XIAP: variants seen among roughly 807,000 people sequenced by gnomAD.
XIAP encodes E3 ubiquitin-protein ligase XIAP.
XIAP carries 3 observed loss-of-function variants against 33.1 expected under a neutral mutation model. The ratio of observed to expected loss-of-function variants is 0.09; its 90% confidence interval spans 0.04 to 0.23. XIAP has a LOEUF of 0.23. Ranked by LOEUF, XIAP falls within the 10% of genes least tolerant of loss-of-function variation. The pLI is 1.00. For missense variants in XIAP, 264 were observed against 363.0 expected, an observed-to-expected ratio of 0.73 and a Z score of 2.22; for synonymous variants, 98 against 121.3, an observed-to-expected ratio of 0.81 and a Z score of 1.26.
At chrX:123,899,692 A>T (rs2053499391) in intron 5 of XIAP, among the ~76,000 whole-genome samples, 1 of 106,344 alleles carries the variant, frequency 9.4e-6, no homozygotes, top group African/African-American at 3.4e-5. Flanking sequence ...TATCTATGAG[A>T]TCCATCCATA....
At chrX:123,867,910 A>C (rs1377140283) in intron 1 of XIAP, among the ~76,000 whole-genome samples, 2 of 110,511 alleles carry the variant, frequency 1.8e-5, no homozygotes, top group Admixed American at 1.9e-4. Context: ...TCCTGACCTC[A>C]GGTCATCCAC....
At position 123,913,849 on chromosome X, in the gene XIAP, G is replaced by A. The variant is rs1233639218; in HGVS notation, c.*6668G>A. ...ATAATTTTATGGTTTTTTTCACTTA[G>A]AACCTTTCTGTGTGGAAAACTAAGA... On this transcript the variant is annotated 3_prime_UTR_variant, in exon 7 of 7. Coordinates refer to ENST00000371199, the MANE Select transcript of XIAP (RefSeq NM_001167.4). The A allele has an allele frequency of 1.9e-5, 6 of 315,692 alleles. No homozygotes were observed. Among genetic ancestry groups the A allele is most frequent in the Non-Finnish European group, 3.0e-5 (5 of 166,173 alleles). The allele number at this position is 315,692 out of a possible 1,213,427, so 26.0% of individuals were successfully genotyped here.
At position 123,907,395 on chromosome X, in the gene XIAP, T is replaced by C; in HGVS notation, c.*214T>C. The C allele has an allele frequency of 2.1e-6, 1 of 484,686 alleles. No homozygotes were observed. The highest frequency in any genetic ancestry group is 2.7e-5 in the South Asian group (1 of 37,208). 39.9% of individuals were successfully genotyped at this position (484,686 alleles called of 1,213,427 possible). A position where few individuals can be genotyped will look rare whatever the true frequency, so the allele number is the denominator to read the frequency against. On this transcript the variant is annotated 3_prime_UTR_variant, in exon 7 of 7. Transcript: ENST00000371199. ...GTATTATCCATTTTTTTTACTGTTA[T>C]TTAATTGAAACCATAGACTAAGAAT...
At chrX:123,868,896 A>G (rs1187265301) in intron 1 of XIAP, among the ~76,000 whole-genome samples, 1 of 112,040 alleles carries the variant, frequency 8.9e-6, no homozygotes, top group Non-Finnish European at 1.9e-5. Context: ...ATACATTTGT[A>G]GCTCTGCTGT....
chrX:123,877,364 G>A (rs1287821346), intron 1 of XIAP, among the ~76,000 whole-genome samples: 1 of 111,824 alleles, frequency 8.9e-6, no homozygotes, highest in Non-Finnish European at 1.9e-5. Flanking sequence ...ACCACGCCCG[G>A]CCATTAACTG....
At chrX:123,892,159 A>G (rs747697708) in intron 4 of XIAP, among the ~76,000 whole-genome samples, 2 of 111,400 alleles carry the variant, frequency 1.8e-5, no homozygotes, top group East Asian at 5.6e-4. Flanking sequence ...CAAGGTCAGG[A>G]GTTCGAGACC....
chrX:123,883,091 G>A (rs999574237), intron 1 of XIAP, among the ~76,000 whole-genome samples: 3 of 103,424 alleles, frequency 2.9e-5, no homozygotes, highest in African/African-American at 7.2e-5. Flanking sequence ...CATCACGCCC[G>A]GCCTTTTTTG....
chrX:123,892,108 G>A (rs1602550143), intron 4 of XIAP, among the ~76,000 whole-genome samples: 1 of 111,802 alleles, frequency 8.9e-6, no homozygotes, highest in South Asian at 3.6e-4. Flanking sequence ...GCTCACGCCT[G>A]TAATCCCAGC....
chrX:123,886,970 A>AG (rs2053357780), intron 2 of XIAP, among the ~76,000 whole-genome samples: 1 of 111,723 alleles, frequency 9.0e-6, no homozygotes, highest in Non-Finnish European at 1.9e-5. Context: ...TCCAGGCTGG[A>AG]GTGCAATGGC....
At chrX:123,869,702 C>G in intron 1 of XIAP, among the ~76,000 whole-genome samples, 1 of 111,504 alleles carries the variant, frequency 9.0e-6, no homozygotes, top group Non-Finnish European at 1.9e-5. Context: ...TTCCTTAGAC[C>G]TATATTGGTC....
chrX:123,884,208 G>A (rs1287264014), intron 1 of XIAP, among the ~76,000 whole-genome samples: 2 of 111,998 alleles, frequency 1.8e-5, no homozygotes, highest in Non-Finnish European at 3.8e-5. Flanking sequence ...TAATGGCAGG[G>A]CGCGGTGGCT....
At chrX:123,866,613 T>C (rs1053465720) in intron 1 of XIAP, among the ~76,000 whole-genome samples, 6 of 103,049 alleles carry the variant, frequency 5.8e-5, no homozygotes, top group African/African-American at 1.7e-4. Context: ...ATATATAATA[T>C]ATAATACAAT....
chrX:123,898,322 C>T (rs1332118424), intron 5 of XIAP, among the ~76,000 whole-genome samples: 1 of 111,993 alleles, frequency 8.9e-6, no homozygotes, highest in African/African-American at 3.2e-5. Context: ...TTATAACCTG[C>T]CAACAGAGTT....
intron 1 of XIAP, among the ~76,000 whole-genome samples, chrX:123,885,090 A>C (rs1012555648): frequency 8.0e-5 from 9 of 111,934 alleles, no homozygotes; most frequent in Non-Finnish European, 1.5e-4. Flanking sequence ...AAAATCAGAA[A>C]TATTTCATAC....
At chrX:123,891,010 A>T (rs1203279095) in intron 3 of XIAP, among the ~76,000 whole-genome samples, 1 of 111,474 alleles carries the variant, frequency 9.0e-6, no homozygotes, top group Non-Finnish European at 1.9e-5. Flanking sequence ...TCTCAAGTTG[A>T]TATTTTTTGC....
intron 1 of XIAP, among the ~76,000 whole-genome samples, chrX:123,877,294 T>G (rs1810935974): frequency 8.9e-6 from 1 of 111,764 alleles, no homozygotes; most frequent in Non-Finnish European, 1.9e-5. Context: ...TTCAAACTCC[T>G]GACCTCAAGT....
Position 123,913,008 on chromosome X carries a change from T to C in XIAP, c.*5827T>C, listed in dbSNP as rs2148117587. 1 of 282,016 alleles carries C rather than the reference T, an allele frequency of 3.5e-6. No homozygotes were observed. Among genetic ancestry groups the C allele is most frequent in the Non-Finnish European group, 6.9e-6 (1 of 144,960 alleles). The allele number at this position is 282,016 out of a possible 1,213,427, so 23.2% of individuals were successfully genotyped here. On this transcript the variant is annotated 3_prime_UTR_variant, in exon 7 of 7. Transcript: ENST00000371199. ...GTTGACCAGGCTGGTCTCGAACTCC[T>C]GATCTCAGGTGATCTGCCTGCCTCG...
chrX:123,880,230 T>C (rs1221398441), intron 1 of XIAP, among the ~76,000 whole-genome samples: 4 of 102,670 alleles, frequency 3.9e-5, no homozygotes, highest in Admixed American at 1.1e-4. Flanking sequence ...CTGGCCAACA[T>C]AGAGGAACCC....
At chrX:123,872,033 G>A (rs927196839) in intron 1 of XIAP, among the ~76,000 whole-genome samples, 1 of 111,172 alleles carries the variant, frequency 9.0e-6, no homozygotes, top group African/African-American at 3.3e-5. Flanking sequence ...CCCAGGAGGC[G>A]GAGGTTGCAG....
Sources: gnomAD v4.1 joint callset for allele counts (sites outside exome capture counted in the v4.1 genomes callset) on GRCh38, gnomAD v4.1.1 for gene constraint, MANE v1.5 for transcripts, NCBI Gene and HGNC (gene_info 2026-07-23, HGNC 2026-07-21) for gene names.